Variants in ZNF230 observed in about 807,000 individuals in gnomAD.
ZNF230 encodes zinc finger protein FDZF2.
A neutral mutation model predicts 10.0 loss-of-function variants in ZNF230; 12 were observed. The observed-to-expected ratio is 1.20, with a 90% CI of 0.77 to 1.95. The LOEUF (loss-of-function observed/expected upper bound fraction) is 1.95, where lower values mean the gene tolerates loss of function less well. ZNF230 is among the 30% of genes most tolerant of loss of function. The pLI, the probability that ZNF230 is intolerant of heterozygous loss-of-function variation, is 0.00. For synonymous variants in ZNF230, 174 were observed against 193.6 expected (o/e 0.90, Z 0.84); for missense variants, 532 against 565.8 (o/e 0.94, Z 0.61).
At position 44,011,969 on chromosome 19, in the gene ZNF230, T is replaced by C. The variant is rs73035964; in HGVS notation, c.*505T>C. On this transcript the variant is annotated 3_prime_UTR_variant, in exon 5 of 5. Transcript: ENST00000429154. ...GTATATATGCCACCTTTTCTTCATTTATCTATTGATGGACACATAGGTGGG... is the reference window on the plus strand; with the variant it reads ...GTATATATGCCACCTTTTCTTCATTCATCTATTGATGGACACATAGGTGGG... The C allele has an allele frequency of 0.086, 15,529 of 180,522 alleles. 930 individuals carry two copies. Among genetic ancestry groups the C allele is most frequent in the Non-Finnish European group, 0.12 (10,058 of 85,466 alleles). The allele number at this position is 180,522 out of a possible 1,614,324, so 11.2% of individuals were successfully genotyped here. A position where few individuals can be genotyped will look rare whatever the true frequency, so the allele number is the denominator to read the frequency against.
In ZNF230 at chr19:44,011,327, G is replaced by A. The variant is rs1351505784; in HGVS notation, c.1288G>A (p.Val430Ile). The change falls in exon 5 of 5, where the codon GTA becomes ATA. Residue 430 changes from valine (V) to isoleucine (I), a missense_variant. Transcript: ENST00000429154. ...FKCEDCGKRL[V>I]HRSFCKDQQG... is the part of the protein sequence containing the mutation. ...ATGTGAGGATTGTGGAAAGAGGCTT[G>A]TACACCGGTCTTTCTGTAAAGACCA... 1.9e-6 allele frequency: 3 copies of A among 1,613,992 alleles called. No individual in the cohort carries two copies. The highest frequency in any genetic ancestry group is 2.5e-6 in the Non-Finnish European group (3 of 1,179,942).
At position 44,012,189 on chromosome 19, in the gene ZNF230, C is replaced by A. The variant is rs1411548925; in HGVS notation, c.*725C>A. 6.3e-6 allele frequency: 2 copies of A among 317,256 alleles called. No individual in the cohort carries two copies. The highest frequency in any genetic ancestry group is 2.5e-5 in the South Asian group (1 of 40,546). 19.7% of individuals were successfully genotyped at this position (317,256 alleles called of 1,614,324 possible). On this transcript the variant is annotated 3_prime_UTR_variant, in exon 5 of 5. Coordinates refer to ENST00000429154, the MANE Select transcript of ZNF230 (RefSeq NM_006300.4). ...TGGCTAGGGTGATATGGCTTCATAC[C>A]ACCTCAGGCCTCAAGTCCTCAACTG... is the stretch of plus-strand genomic sequence containing the variant.
In ZNF230 at chr19:44,009,190, G is replaced by A. The variant is rs184125357; in HGVS notation, c.229+20G>A. 159 of 1,611,750 alleles carry A rather than the reference G, an allele frequency of 9.9e-5. No individual in the cohort carries two copies. In the Admixed American group the frequency reaches 1.1e-3, roughly 11 times the overall value. ...ATTCAGGTAAGAAGCAAGCAACTGT[G>A]TGTCCTTGTACATGACTTTCTTTCC... On this transcript the variant is annotated intron_variant, in intron 4 of 4. Transcript: ENST00000429154.
intron 4 of ZNF230, chr19:44,009,384 T>C: frequency 1.7e-6 from 1 of 602,664 alleles, no homozygotes; most frequent in Non-Finnish European, 2.9e-6. Flanking sequence ...GAAATGCAAG[T>C]CAGTTTTCCA....
intron 1 of ZNF230, chr19:44,004,051 G>A (rs976550162): frequency 3.9e-5 from 6 of 152,230 alleles, no homozygotes; most frequent in Non-Finnish European, 5.9e-5. Flanking sequence ...TGAGGCAGAG[G>A]AACTAGCTGG....
At chr19:44,007,327 T>G (rs1976132619) in intron 2 of ZNF230, among the ~76,000 whole-genome samples, 1 of 152,208 alleles carries the variant, frequency 6.6e-6, no homozygotes, top group Non-Finnish European at 1.5e-5. Flanking sequence ...GAATGAACAG[T>G]GCTCCCACTT....
chr19:44,008,544 C>T (rs1201700147), intron 2 of ZNF230, among the ~76,000 whole-genome samples: 1 of 152,150 alleles, frequency 6.6e-6, no homozygotes, highest in Non-Finnish European at 1.5e-5. Context: ...GCCCAGGATG[C>T]ACCATTTGAA....
rs779620652 is a variant in ZNF230 at position 44,009,139 on chromosome 19, G to A, written c.198G>A (p.Met66Ile). Residue 66 changes from methionine (M) to isoleucine (I), a missense_variant, in exon 4 of 5, where the codon ATG (methionine) becomes ATA (isoleucine). By Grantham distance (10) the Met-to-Ile change is conservative. Transcript: ENST00000429154. Reference sequence around the variant, plus strand: ...TAAGGGAAGAAAAGTTTTGGATGATGGAGACAGCAACCCAAAGAGAAGGAA... The same window carrying A: ...TAAGGGAAGAAAAGTTTTGGATGATAGAGACAGCAACCCAAAGAGAAGGAA... ...HFLREEKFWM[M>I]ETATQREGNS... is the part of the protein sequence containing the mutation. The A allele has an allele frequency of 6.2e-7, 1 of 1,614,200 alleles. No individual in the cohort carries two copies. The highest frequency in any genetic ancestry group is 1.7e-5 in the Admixed American group (1 of 60,024).
At position 44,011,196 on chromosome 19, in the gene ZNF230, A is replaced by C; in HGVS notation, c.1157A>C (p.His386Pro). ...GGTCTTAACTTGCACCAGAGGGTCC[A>C]TACTGGAGAGAGACCTTATAATTGT... is the stretch of plus-strand genomic sequence containing the variant. Reference protein sequence around the residue: ...KSGLNLHQRVHTGERPYNCKE... With the variant: ...KSGLNLHQRVPTGERPYNCKE... Residue 386 changes from histidine to proline, a missense_variant, in exon 5 of 5, where the codon CAT (histidine) becomes CCT (proline). By Grantham distance (77) the His-to-Pro change is moderately conservative (BLOSUM62 -2). Coordinates refer to ENST00000429154, the MANE Select transcript of ZNF230 (RefSeq NM_006300.4). The C allele has an allele frequency of 6.2e-7, 1 of 1,614,144 alleles. No homozygotes were observed. Among genetic ancestry groups the C allele is most frequent in the Non-Finnish European group, 8.5e-7 (1 of 1,179,984 alleles).
chr19:44,009,781 CATG>C (rs1347540488), intron 4 of ZNF230, among the ~76,000 whole-genome samples: 1 of 152,148 alleles, frequency 6.6e-6, no homozygotes, highest in African/African-American at 2.4e-5. Flanking sequence ...TGTCCTCCCG[CATG>C]ATATGTCAGG....
At chr19:44,007,181 G>C in intron 2 of ZNF230, 88 bp downstream of exon 2, 4 of 1,305,840 alleles carry the variant, frequency 3.1e-6, no homozygotes, top group Admixed American at 2.1e-5. Flanking sequence ...GAAGACTCAA[G>C]GAGGAAATGG....
Position 44,011,026 on chromosome 19 carries a change from TCA to T in ZNF230, c.992_993del (p.Thr331ArgfsTer8), listed in dbSNP as rs746307488. 9 of 1,614,044 alleles carry T rather than the reference TCA, an allele frequency of 5.6e-6. No individual in the cohort carries two copies. In the Admixed American group the frequency reaches 1.5e-4, roughly 27 times the overall value. On this transcript the variant is annotated frameshift_variant, in exon 5 of 5. Coordinates refer to ENST00000429154, the MANE Select transcript of ZNF230 (RefSeq NM_006300.4). LOFTEE classifies it low-confidence loss of function (END_TRUNC). ...SLDLHKHQII[H>X]TGQKPYNCKE... ...TAGATTTGCATAAGCATCAGATAATTCACACAGGACAGAAACCGTACAATTGT... is the reference window on the plus strand; with the variant it reads ...TAGATTTGCATAAGCATCAGATAATTCACAGGACAGAAACCGTACAATTGT...
At position 44,010,833 on chromosome 19, in the gene ZNF230, T is replaced by C; in HGVS notation, c.794T>C (p.Phe265Ser). 1 of 1,614,216 alleles carries C rather than the reference T, an allele frequency of 6.2e-7. No homozygotes were observed. ...TGTGGGAGGGCCTTCATTCACGATT[T>C]CCAGCTTCAGAAACATCAGATAATT... is the stretch of plus-strand genomic sequence containing the variant. The part of the protein sequence containing the change: ...EKCGRAFIHD[F>S]QLQKHQIIHT... Residue 265 changes from phenylalanine to serine, a missense_variant, in exon 5 of 5, where the codon TTC (phenylalanine) becomes TCC (serine). Coordinates refer to ENST00000429154, the MANE Select transcript of ZNF230 (RefSeq NM_006300.4).
Position 44,010,929 on chromosome 19 carries a change from G to A in ZNF230, c.890G>A (p.Arg297Lys). The change falls in exon 5 of 5, where the codon AGG becomes AAG. Residue 297 changes from arginine (R) to lysine (K), a missense_variant. Physicochemically the swap from Arg to Lys is conservative, Grantham distance 26 (BLOSUM62 2). Transcript: ENST00000429154. ...KSFCLRSSLN[R>K]HCMVHTAEKL... The stretch of plus-strand genomic sequence containing the variant: ...TTCTGCCTTAGGTCAAGTCTTAATA[G>A]GCATTGCATGGTCCACACAGCAGAG... 1 of 1,614,184 alleles carries A rather than the reference G, an allele frequency of 6.2e-7. No individual in the cohort carries two copies. Among genetic ancestry groups the A allele is most frequent in the South Asian group, 1.1e-5 (1 of 91,086 alleles).
At position 44,011,671 on chromosome 19, in the gene ZNF230, T is replaced by A; in HGVS notation, c.*207T>A. The A allele has an allele frequency of 1.9e-6, 1 of 539,370 alleles. No homozygotes were observed. The highest frequency in any genetic ancestry group is 3.6e-5 in the Admixed American group (1 of 28,000). The allele number at this position is 539,370 out of a possible 1,614,324, so 33.4% of individuals were successfully genotyped here. ...CCTTTGGTGCTTTAGAACACTAGAA[T>A]GTATTTCTCCTATCTAGCAGTACTT... On this transcript the variant is annotated 3_prime_UTR_variant, in exon 5 of 5. Transcript: ENST00000429154.
intron 4 of ZNF230, among the ~76,000 whole-genome samples, chr19:44,009,658 G>A (rs531604544): frequency 6.6e-6 from 1 of 152,312 alleles, no homozygotes; most frequent in East Asian, 1.9e-4. Context: ...CTGACATGGG[G>A]AGGACGGTCT....
At position 44,007,790 on chromosome 19, in the gene ZNF230, C is replaced by T. The variant is rs987934267; in HGVS notation, c.15+697C>T. 8.5e-5 allele frequency among the ~76,000 whole-genome samples: 13 copies of T among 152,142 alleles called. 1 individual carries two copies. Among genetic ancestry groups the T allele is most frequent in the African/African-American group, 1.9e-4 (8 of 41,430 alleles). The stretch of plus-strand genomic sequence containing the variant: ...AATCATCAAGCTGCTGTCCAGCCTG[C>T]GCCCCCAGGCTGCCATCACAGCACT... On this transcript the variant is annotated intron_variant, in intron 2 of 4. Coordinates refer to ENST00000429154, the MANE Select transcript of ZNF230 (RefSeq NM_006300.4).
Position 44,010,624 on chromosome 19 carries a change from C to T in ZNF230, c.585C>T (p.Leu195=). ...AGAGAGTTCACTTGAGAGAGAAACT[C>T]TCTAAGTGTGACATGCGTGGTAAGG... ...IHQRVHLREK[L]SKCDMRGKEF... The change falls in exon 5 of 5, where the codon CTC becomes CTT. Residue 195 remains leucine, a synonymous_variant. Coordinates refer to ENST00000429154, the MANE Select transcript of ZNF230 (RefSeq NM_006300.4). The T allele has an allele frequency of 6.2e-7, 1 of 1,614,236 alleles. No homozygotes were observed. Among genetic ancestry groups the T allele is most frequent in the Admixed American group, 1.7e-5 (1 of 60,028 alleles).
chr19:44,009,378 T>G lies in ZNF230; in HGVS notation c.229+208T>G, dbSNP rs58666172. 1,511 of 608,850 alleles carry G rather than the reference T, an allele frequency of 2.5e-3. 21 individuals carry two copies. The highest frequency in any genetic ancestry group is 0.025 in the African/African-American group (1,334 of 54,000). 37.7% of individuals were successfully genotyped at this position (608,850 alleles called of 1,614,324 possible). ...AGCAGCCAAAATGATCCTTGGGAAA[T>G]GCAAGTCAGTTTTCCACTCCTTGGT... On this transcript the variant is annotated intron_variant, in intron 4 of 4. Coordinates refer to ENST00000429154, the MANE Select transcript of ZNF230 (RefSeq NM_006300.4).
Sources: gnomAD v4.1 joint callset for allele counts (sites outside exome capture counted in the v4.1 genomes callset) on GRCh38, gnomAD v4.1.1 for gene constraint, MANE v1.5 for transcripts, NCBI Gene and HGNC (gene_info 2026-07-23, HGNC 2026-07-21) for gene names.